Variants in SMYD3 observed in about 807,000 individuals in gnomAD.
SMYD3 encodes the protein SET and MYND domain containing 3.
A neutral mutation model predicts 57.7 loss-of-function variants in SMYD3; 36 were observed. The ratio of observed to expected loss-of-function variants is 0.62; its 90% confidence interval spans 0.48 to 0.82. The LOEUF (loss-of-function observed/expected upper bound fraction) is 0.82, where lower values mean the gene tolerates loss of function less well. Among genes scored for constraint, SMYD3 ranks in the 40% least tolerant of loss-of-function variants. The pLI, the probability that SMYD3 is intolerant of heterozygous loss-of-function variation, is 0.00. For synonymous variants in SMYD3, 211 were observed against 195.0 expected (o/e 1.08, Z -0.68); for missense variants, 515 against 538.8 (o/e 0.96, Z 0.44).
intron 5 of SMYD3, among the ~76,000 whole-genome samples, chr1:245,942,562 GATC>G (rs1470386927): frequency 1.4e-4 from 21 of 152,160 alleles, no homozygotes; most frequent in Non-Finnish European, 2.4e-4. Flanking sequence ...ACATTAGACA[GATC>G]ATCAAGACAG....
chr1:245,940,961 A>G (rs1257055443), intron 5 of SMYD3, among the ~76,000 whole-genome samples: 3 of 152,226 alleles, frequency 2.0e-5, no homozygotes, highest in Non-Finnish European at 2.9e-5. Flanking sequence ...ACCAGTTGAG[A>G]GAGGAACATA....
chr1:245,870,782 C>A (rs932260669), intron 8 of SMYD3, among the ~76,000 whole-genome samples: 3 of 152,200 alleles, frequency 2.0e-5, no homozygotes, highest in Non-Finnish European at 4.4e-5. Context: ...GGAGTCCAGC[C>A]AGGCTAGCTG....
At chr1:246,458,651 A>G (rs1390014697) in intron 1 of SMYD3, among the ~76,000 whole-genome samples, 11 of 71,004 alleles carry the variant, frequency 1.5e-4, no homozygotes, top group African/African-American at 5.5e-4. Context: ...TATTTTTAGT[A>G]GAGACGGGGT....
chr1:245,928,037 G>GAA lies in SMYD3; in HGVS notation c.600-6_600-5dup, dbSNP rs755376291. On this transcript the variant is annotated splice_region_variant and splice_polypyrimidine_tract_variant and intron_variant, in intron 6 of 11. Transcript: ENST00000490107. Reference sequence around the variant, plus strand: ...GCTGTGATTGAGCAAAGAGATACTGGAAAAAAAAAGGGGGGAAGACTGTCA... The same window carrying GAA: ...GCTGTGATTGAGCAAAGAGATACTGGAAAAAAAAAAAGGGGGGAAGACTGTCA... 6.4e-7 allele frequency: 1 copy of GAA among 1,567,636 alleles called. No homozygotes were observed. The highest frequency in any genetic ancestry group is 8.7e-7 in the Non-Finnish European group (1 of 1,155,714).
Position 246,081,388 on chromosome 1 carries a change from GTTTTTC to G in SMYD3, c.532-151457_532-151452del, listed in dbSNP as rs568364291. On this transcript the variant is annotated intron_variant, in intron 5 of 11. Coordinates refer to ENST00000490107, the MANE Select transcript of SMYD3 (RefSeq NM_001167740.2). ...GACTTTTTGTTGTTGTTTGTTTCTA[GTTTTTC>G]TTTTTTTCTTTTTTTTGAGACAGAG... Among the ~76,000 whole-genome samples, 295 of 152,130 alleles carry G rather than the reference GTTTTTC, an allele frequency of 1.9e-3. 1 individual carries two copies. The highest frequency in any genetic ancestry group is 6.2e-3 in the African/African-American group (259 of 41,490).
chr1:246,501,329 T>G (rs2068452914), intron 1 of SMYD3, among the ~76,000 whole-genome samples: 1 of 152,228 alleles, frequency 6.6e-6, no homozygotes. Context: ...CTGAAACTAT[T>G]CATGCCAATG....
At chr1:245,947,328 T>C (rs1032078766) in intron 5 of SMYD3, 2 of 455,790 alleles carry the variant, frequency 4.4e-6, no homozygotes, top group South Asian at 3.1e-5. Context: ...AATGTCACAG[T>C]ATTTGCAGGA....
intron 10 of SMYD3, among the ~76,000 whole-genome samples, chr1:245,786,230 C>T (rs1354343500): frequency 7.1e-6 from 1 of 140,728 alleles, no homozygotes; most frequent in Non-Finnish European, 1.5e-5. Context: ...GGGATGGTGG[C>T]AACAGAATAT....
intron 5 of SMYD3, among the ~76,000 whole-genome samples, chr1:246,156,476 A>G (rs1161574779): frequency 6.6e-6 from 1 of 152,242 alleles, no homozygotes; most frequent in African/African-American, 2.4e-5. Flanking sequence ...TATTTTCCCC[A>G]TAAAAATAAG....
chr1:246,503,606 T>C (rs2068490216), intron 1 of SMYD3, among the ~76,000 whole-genome samples: 1 of 152,146 alleles, frequency 6.6e-6, no homozygotes. Context: ...TCATACCCAA[T>C]TGTCAACCAA....
intron 10 of SMYD3, among the ~76,000 whole-genome samples, chr1:245,769,483 G>A (rs563342143): frequency 1.1e-4 from 17 of 152,264 alleles, no homozygotes; most frequent in Non-Finnish European, 2.4e-4. Context: ...ACAAAAGCCC[G>A]GACCCGGGAT....
intron 5 of SMYD3, among the ~76,000 whole-genome samples, chr1:245,987,015 T>C (rs1161455337): frequency 6.6e-6 from 1 of 152,230 alleles, no homozygotes; most frequent in Non-Finnish European, 1.5e-5. Context: ...TCCTTTTAAA[T>C]GAGTCACCAC....
At chr1:246,322,537 T>G (rs1233961126) in intron 5 of SMYD3, 2 of 152,172 alleles carry the variant, frequency 1.3e-5, no homozygotes, top group Non-Finnish European at 2.9e-5. Context: ...GAAATTGGCC[T>G]TTATTTTTTA....
chr1:246,003,907 T>C (rs529724731), intron 5 of SMYD3, among the ~76,000 whole-genome samples: 2 of 152,332 alleles, frequency 1.3e-5, no homozygotes, highest in South Asian at 4.1e-4. Context: ...CTAGAGATAC[T>C]GGGACCCACG....
At chr1:245,920,894 G>T (rs1356081121) in intron 7 of SMYD3, among the ~76,000 whole-genome samples, 1 of 152,142 alleles carries the variant, frequency 6.6e-6, no homozygotes, top group African/African-American at 2.4e-5. Context: ...AAGAACATAT[G>T]ACTAAGTCTT....
At chr1:245,983,480 C>A (rs2058642260) in intron 5 of SMYD3, among the ~76,000 whole-genome samples, 1 of 152,154 alleles carries the variant, frequency 6.6e-6, no homozygotes, top group Non-Finnish European at 1.5e-5. Context: ...CCCCTGGGAC[C>A]CACGACCAGA....
At chr1:246,351,820 T>C (rs556994159) in intron 2 of SMYD3, among the ~76,000 whole-genome samples, 1 of 152,162 alleles carries the variant, frequency 6.6e-6, no homozygotes, top group South Asian at 2.1e-4. Context: ...TAAAAACATA[T>C]CCTTGTATTG....
chr1:245,886,019 T>C (rs1310040946), intron 8 of SMYD3, among the ~76,000 whole-genome samples: 1 of 152,218 alleles, frequency 6.6e-6, no homozygotes, highest in Non-Finnish European at 1.5e-5. Flanking sequence ...ATTAATTGGC[T>C]GCTACTTTAT....
intron 1 of SMYD3, among the ~76,000 whole-genome samples, chr1:246,458,613 ATTTTTTTTTTTTT>A (rs74163446): frequency 2.1e-5 from 1 of 46,876 alleles, no homozygotes; most frequent in South Asian, 1.2e-3. Flanking sequence ...CGCCTGGCTG[ATTTTTTTTTTTTT>A]TTTTTTTTTT....
Sources: gnomAD v4.1 joint callset for allele counts (sites outside exome capture counted in the v4.1 genomes callset) on GRCh38, gnomAD v4.1.1 for gene constraint, MANE v1.5 for transcripts, NCBI Gene and HGNC (gene_info 2026-07-23, HGNC 2026-07-21) for gene names.